The following KHDRBS2 variants were observed in gnomAD, a reference collection of about 807,000 sequenced individuals.
KHDRBS2 encodes KH domain-containing, RNA-binding, signal transduction-associated protein 2.
Under a neutral mutation model 44.3 loss-of-function variants are expected in KHDRBS2, and 26 were observed. The observed-to-expected ratio is 0.59, with a 90% CI of 0.43 to 0.81. The LOEUF (loss-of-function observed/expected upper bound fraction) is 0.81, where lower values mean the gene tolerates loss of function less well. Among genes scored for constraint, KHDRBS2 ranks in the 40% least tolerant of loss-of-function variants. The pLI is 0.00. For missense variants in KHDRBS2, 476 were observed against 433.1 expected (o/e 1.10, Z -0.88); for synonymous variants, 194 against 151.1 (o/e 1.28, Z -2.08).
intron 6 of KHDRBS2, among the ~76,000 whole-genome samples, chr6:61,874,408 C>T (rs1022311027): frequency 2.0e-5 from 3 of 152,084 alleles, no homozygotes; most frequent in Admixed American, 6.5e-5. Context: ...TAGTCTCTAA[C>T]GTGTATCAGG....
At chr6:61,772,213 A>G (rs1251098752) in intron 6 of KHDRBS2, among the ~76,000 whole-genome samples, 2 of 152,226 alleles carry the variant, frequency 1.3e-5, no homozygotes, top group Non-Finnish European at 2.9e-5. Flanking sequence ...CACAAGAGAA[A>G]GCAGGAAAGA....
At chr6:61,940,254 A>ATT (rs1562480960) in intron 4 of KHDRBS2, among the ~76,000 whole-genome samples, 96 of 151,320 alleles carry the variant, frequency 6.3e-4, no homozygotes, top group African/African-American at 2.3e-3. Context: ...AAAAAAAAAA[A>ATT]GAATATATTG....
chr6:62,079,234 A>G (rs1365710183), intron 2 of KHDRBS2, among the ~76,000 whole-genome samples: 1 of 152,008 alleles, frequency 6.6e-6, no homozygotes, highest in Non-Finnish European at 1.5e-5. Context: ...TTTTAAATGA[A>G]AAGTGTTTTT....
At chr6:62,026,025 G>A (rs1381253919) in intron 3 of KHDRBS2, among the ~76,000 whole-genome samples, 1 of 151,918 alleles carries the variant, frequency 6.6e-6, no homozygotes, top group Non-Finnish European at 1.5e-5. Flanking sequence ...ATTATTATTA[G>A]TATTCAAATT....
chr6:61,790,542 A>T (rs1784478719), intron 6 of KHDRBS2, among the ~76,000 whole-genome samples: 1 of 151,600 alleles, frequency 6.6e-6, no homozygotes. Flanking sequence ...AAGTTAAAGA[A>T]AAATCACTTA....
intron 4 of KHDRBS2, among the ~76,000 whole-genome samples, chr6:61,975,574 T>A (rs1772425296): frequency 6.6e-6 from 1 of 151,694 alleles, no homozygotes; most frequent in Non-Finnish European, 1.5e-5. Context: ...GAAAATTTAC[T>A]AATAAAACAT....
Position 62,285,951 on chromosome 6 carries a change from C to A in KHDRBS2, c.-3G>T. 1.9e-6 allele frequency: 3 copies of A among 1,593,882 alleles called. No homozygotes were observed. Among genetic ancestry groups the A allele is most frequent in the Non-Finnish European group, 2.6e-6 (3 of 1,162,774 alleles). On this transcript the variant is annotated 5_prime_UTR_variant, in exon 1 of 9. Coordinates refer to ENST00000281156, the MANE Select transcript of KHDRBS2 (RefSeq NM_152688.4). ...GGCAAATATTTCTCCTCTTCCATAG[C>A]GCGGACTTCGGATTGTCCCCGGGCG... is the stretch of plus-strand genomic sequence containing the variant.
the KHDRBS2 span, among the ~76,000 whole-genome samples, chr6:61,580,112 A>G: frequency 6.6e-6 from 1 of 152,220 alleles, no homozygotes; most frequent in Non-Finnish European, 1.5e-5. Flanking sequence ...TCTTACAGCC[A>G]CAAAAGAGAA....
chr6:62,151,737 A>G (rs769321723), intron 2 of KHDRBS2, among the ~76,000 whole-genome samples: 1 of 152,204 alleles, frequency 6.6e-6, no homozygotes, highest in Non-Finnish European at 1.5e-5. Context: ...CACAACTTCA[A>G]GTAATGCAAC....
the KHDRBS2 span, among the ~76,000 whole-genome samples, chr6:61,578,814 C>A: frequency 6.6e-6 from 1 of 152,042 alleles, no homozygotes; most frequent in Non-Finnish European, 1.5e-5. Flanking sequence ...AGAGGATTTT[C>A]TTTTTCTTTC....
downstream of KHDRBS2, among the ~76,000 whole-genome samples, chr6:61,677,359 AT>A (rs1301716739): frequency 6.6e-6 from 1 of 151,882 alleles, no homozygotes; most frequent in Admixed American, 6.6e-5. Context: ...AATAGTGACA[AT>A]TTTTATACTC....
At chr6:61,989,478 G>C (rs1775704278) in intron 3 of KHDRBS2, among the ~76,000 whole-genome samples, 1 of 152,114 alleles carries the variant, frequency 6.6e-6, no homozygotes, top group Non-Finnish European at 1.5e-5. Flanking sequence ...TTTGACAAAT[G>C]GTGCTGTCAC....
chr6:61,692,295 T>G (rs1223853598), intron 8 of KHDRBS2, among the ~76,000 whole-genome samples: 1 of 151,960 alleles, frequency 6.6e-6, no homozygotes, highest in Non-Finnish European at 1.5e-5. Flanking sequence ...CAAAAACAAA[T>G]TCAAGTGATG....
At chr6:61,553,126 G>T in the KHDRBS2 span, among the ~76,000 whole-genome samples, 1 of 152,244 alleles carries the variant, frequency 6.6e-6, no homozygotes, top group East Asian at 1.9e-4. Flanking sequence ...GAGTTCATCT[G>T]GTTCTGGGCT....
intron 7 of KHDRBS2, among the ~76,000 whole-genome samples, chr6:61,700,396 C>T (rs115736366): frequency 6.7e-6 from 1 of 149,444 alleles, no homozygotes; most frequent in Non-Finnish European, 1.5e-5. Flanking sequence ...TTTTAACTTT[C>T]AGAACTCTAA....
the KHDRBS2 span, among the ~76,000 whole-genome samples, chr6:61,616,289 G>C: frequency 1.3e-4 from 19 of 151,990 alleles, no homozygotes; most frequent in African/African-American, 4.6e-4. Context: ...TGGAAGACTA[G>C]GGCATATAAT....
rs116319114 is a variant in KHDRBS2 at position 62,143,081 on chromosome 6, A to G, written c.219+34104T>C. Among the ~76,000 whole-genome samples the G allele has an allele frequency of 9.3e-4, 142 of 152,018 alleles. 1 individual carries two copies. Among genetic ancestry groups the G allele is most frequent in the African/African-American group, 3.2e-3 (134 of 41,544 alleles). On this transcript the variant is annotated intron_variant, in intron 2 of 8. Transcript: ENST00000281156. Reference sequence around the variant, plus strand: ...TTAAGCTCAATAACAGAGTTACCTTAAAGCTAATTATAACATAATTGACTT... The same window carrying G: ...TTAAGCTCAATAACAGAGTTACCTTGAAGCTAATTATAACATAATTGACTT...
At chr6:61,937,375 C>A (rs547649005) in intron 4 of KHDRBS2, among the ~76,000 whole-genome samples, 1 of 151,686 alleles carries the variant, frequency 6.6e-6, no homozygotes, top group South Asian at 2.1e-4. Context: ...TATTTAAATT[C>A]TTCTTGTACA....
intron 6 of KHDRBS2, among the ~76,000 whole-genome samples, chr6:61,888,631 G>T (rs1490528886): frequency 6.8e-6 from 1 of 147,754 alleles, no homozygotes; most frequent in Non-Finnish European, 1.5e-5. Flanking sequence ...GCGCGATCTC[G>T]GTTCCCTGCA....
Sources: gnomAD v4.1 joint callset for allele counts (sites outside exome capture counted in the v4.1 genomes callset) on GRCh38, gnomAD v4.1.1 for gene constraint, MANE v1.5 for transcripts, NCBI Gene and HGNC (gene_info 2026-07-23, HGNC 2026-07-21) for gene names.